FHIT: variants seen among roughly 807,000 people sequenced by gnomAD.
The protein encoded by FHIT is fragile histidine triad diadenosine triphosphatase.
Under a neutral mutation model 17.9 loss-of-function variants are expected in FHIT, and 19 were observed. The ratio of observed to expected loss-of-function variants is 1.06; its 90% CI spans 0.74 to 1.56. The LOEUF is 1.56. Among genes scored for constraint, FHIT ranks in the 40% most tolerant of loss-of-function variants. The pLI, the probability that FHIT is intolerant of heterozygous loss-of-function variation, is 0.00. For missense variants in FHIT, 248 were observed against 189.2 expected, an observed-to-expected ratio of 1.31 and a Z score of -1.82; for synonymous variants, 81 against 69.7, an observed-to-expected ratio of 1.16 and a Z score of -0.81.
intron 5 of FHIT, among the ~76,000 whole-genome samples, chr3:60,448,711 G>A (rs9842655): frequency 0.049 from 7,416 of 152,122 alleles, 594 homozygotes; most frequent in African/African-American, 0.17. Context: ...ATGTAACTAC[G>A]GATTATGGAC....
intron 7 of FHIT, among the ~76,000 whole-genome samples, chr3:59,923,172 C>G (rs1241707426): frequency 8.0e-6 from 1 of 125,314 alleles, no homozygotes; most frequent in African/African-American, 3.1e-5. Context: ...TTGCAGTGAG[C>G]TGAGATCGCG....
At chr3:60,806,944 G>C (rs2106695188) in intron 4 of FHIT, among the ~76,000 whole-genome samples, 1 of 152,214 alleles carries the variant, frequency 6.6e-6, no homozygotes, top group Admixed American at 6.5e-5. Flanking sequence ...AAAGCTTCTA[G>C]CCAGTTGACC....
chr3:60,795,391 A>G (rs749196564), intron 4 of FHIT, among the ~76,000 whole-genome samples: 3 of 151,942 alleles, frequency 2.0e-5, no homozygotes, highest in Non-Finnish European at 4.4e-5. Context: ...TGGGTAACTT[A>G]TTTACCTGTT....
intron 2 of FHIT, among the ~76,000 whole-genome samples, chr3:61,107,177 TATGAG>T (rs1170956464): frequency 1.3e-5 from 2 of 152,168 alleles, no homozygotes; most frequent in Non-Finnish European, 2.9e-5. Flanking sequence ...TCTCTGCCTC[TATGAG>T]TTTGACTGTT....
chr3:60,603,984 A>G lies in FHIT; in HGVS notation c.-17-67005T>C, dbSNP rs898945028. ...TAAGGTAATAATAATAATGGTGACG[A>G]AGAGACTAAGAACAGCTCAGAGTTG... On this transcript the variant is annotated intron_variant, in intron 4 of 9. Transcript: ENST00000492590. Among the ~76,000 whole-genome samples the G allele has an allele frequency of 1.3e-5, 2 of 152,196 alleles. 1 individual carries two copies. Among genetic ancestry groups the G allele is most frequent in the Admixed American group, 1.3e-4 (2 of 15,270 alleles).
chr3:60,180,567 A>G (rs1701884964), intron 5 of FHIT, among the ~76,000 whole-genome samples: 1 of 152,184 alleles, frequency 6.6e-6, no homozygotes, highest in Admixed American at 6.5e-5. Flanking sequence ...TAACAGCTTC[A>G]TTTTAAAAAA....
chr3:61,224,490 C>T (rs1188242198), intron 1 of FHIT, among the ~76,000 whole-genome samples: 2 of 152,078 alleles, frequency 1.3e-5, no homozygotes, highest in Non-Finnish European at 2.9e-5. Flanking sequence ...GATCTCGGCT[C>T]ACTCTGCCTC....
At chr3:60,405,794 T>G (rs1297507882) in intron 5 of FHIT, among the ~76,000 whole-genome samples, 3 of 152,220 alleles carry the variant, frequency 2.0e-5, no homozygotes, top group Non-Finnish European at 4.4e-5. Flanking sequence ...CTAAGCATTC[T>G]GCAATGTACA....
At chr3:60,250,749 G>A (rs1326906902) in intron 5 of FHIT, among the ~76,000 whole-genome samples, 2 of 151,980 alleles carry the variant, frequency 1.3e-5, no homozygotes, top group Non-Finnish European at 2.9e-5. Flanking sequence ...CTACTCCAAA[G>A]TACCTTCCTT....
chr3:60,550,017 G>A (rs1191924942), intron 4 of FHIT, among the ~76,000 whole-genome samples: 1 of 152,112 alleles, frequency 6.6e-6, no homozygotes, highest in African/African-American at 2.4e-5. Context: ...ACCAACTGGA[G>A]AGTAGGTTTC....
At chr3:60,923,844 C>T (rs971725595) in intron 3 of FHIT, among the ~76,000 whole-genome samples, 9 of 152,150 alleles carry the variant, frequency 5.9e-5, no homozygotes, top group Admixed American at 2.0e-4. Flanking sequence ...CCTGGAAAAT[C>T]GGGTCACTCC....
intron 4 of FHIT, among the ~76,000 whole-genome samples, chr3:60,544,753 C>T (rs1175799365): frequency 1.3e-5 from 2 of 151,932 alleles, no homozygotes; most frequent in East Asian, 3.9e-4. Flanking sequence ...CCCACCACCA[C>T]ACTCAGCTAA....
intron 9 of FHIT, chr3:59,750,097 A>C (rs531636895): frequency 4.4e-6 from 1 of 226,264 alleles, no homozygotes; most frequent in Non-Finnish European, 8.8e-6. Flanking sequence ...TAAGATGTAC[A>C]AGGGAAGTCA....
chr3:60,627,965 A>G (rs1238994755), intron 4 of FHIT, among the ~76,000 whole-genome samples: 4 of 152,006 alleles, frequency 2.6e-5, no homozygotes, highest in Non-Finnish European at 5.9e-5. Flanking sequence ...TCTCTATTTC[A>G]TTAATTTCTG....
chr3:60,142,685 T>C (rs1054119525), intron 5 of FHIT, among the ~76,000 whole-genome samples: 1 of 138,866 alleles, frequency 7.2e-6, no homozygotes, highest in Non-Finnish European at 1.6e-5. Flanking sequence ...TGCGTTTCTT[T>C]TTTTTTTTCT....
At chr3:59,794,831 A>G (rs1316370709) in intron 8 of FHIT, among the ~76,000 whole-genome samples, 1 of 152,202 alleles carries the variant, frequency 6.6e-6, no homozygotes, top group Non-Finnish European at 1.5e-5. Context: ...GTTCAGTCAC[A>G]TTTGTTCCAT....
At chr3:60,042,355 C>T (rs373519938) in intron 5 of FHIT, among the ~76,000 whole-genome samples, 79 of 152,216 alleles carry the variant, frequency 5.2e-4, no homozygotes, top group South Asian at 1.5e-3. Context: ...TTTGCTAGGA[C>T]GAGCATAACA....
intron 4 of FHIT, among the ~76,000 whole-genome samples, chr3:60,680,063 G>C (rs1175508534): frequency 6.6e-6 from 1 of 152,060 alleles, no homozygotes; most frequent in Non-Finnish European, 1.5e-5. Flanking sequence ...TAAGTATGTT[G>C]TGCACATTCC....
chr3:60,568,118 A>G (rs2037208432), intron 4 of FHIT, among the ~76,000 whole-genome samples: 1 of 152,176 alleles, frequency 6.6e-6, no homozygotes, highest in South Asian at 2.1e-4. Flanking sequence ...TATATACCCA[A>G]AGGATTATAA....
Sources: allele counts gnomAD v4.1 joint callset (sites outside exome capture counted in the v4.1 genomes callset), GRCh38; gene constraint gnomAD v4.1.1; transcripts MANE v1.5; gene names NCBI Gene and HGNC (gene_info 2026-07-23, HGNC 2026-07-21).